The following SNX2 variants were observed in gnomAD, a reference collection of about 807,000 sequenced individuals.
SNX2 encodes the protein sorting nexin-2.
Under a neutral mutation model 69.9 loss-of-function variants are expected in SNX2, and 25 were observed. The ratio of observed to expected loss-of-function variants is 0.36; its 90% CI spans 0.26 to 0.50. The LOEUF is 0.50. Among genes scored for constraint, SNX2 ranks in the 20% least tolerant of loss-of-function variants. The pLI, the probability that SNX2 is intolerant of heterozygous loss-of-function variation, is 0.97. For synonymous variants in SNX2, 229 were observed against 200.4 expected (o/e 1.14, Z -1.20); for missense variants, 551 against 613.3 (o/e 0.90, Z 1.07).
intron 7 of SNX2, among the ~76,000 whole-genome samples, chr5:122,808,942 T>A (rs1019125420): frequency 1.3e-5 from 2 of 152,154 alleles, no homozygotes; most frequent in African/African-American, 4.8e-5. Context: ...TGTGTTTGTA[T>A]AATTGATTTT....
At chr5:122,809,786 G>A (rs1015749697) in intron 7 of SNX2, among the ~76,000 whole-genome samples, 5 of 152,082 alleles carry the variant, frequency 3.3e-5, no homozygotes, top group African/African-American at 1.2e-4. Flanking sequence ...GTACAGTGAA[G>A]TTAGATTTGA....
At position 122,815,887 on chromosome 5, in the gene SNX2, T is replaced by C. The variant is rs749303013; in HGVS notation, c.723-9T>C. 4.6e-6 allele frequency: 7 copies of C among 1,525,680 alleles called. No individual in the cohort carries two copies. In the South Asian group the frequency reaches 7.4e-5, roughly 16 times the overall value. 94.5% of individuals were successfully genotyped at this position (1,525,680 alleles called of 1,614,324 possible). On this transcript the variant is annotated splice_polypyrimidine_tract_variant and intron_variant, in intron 7 of 14. Coordinates refer to ENST00000379516, the MANE Select transcript of SNX2 (RefSeq NM_003100.4). ...ACTGATAAAGGAGCAATTTTACTCT[T>C]AAATCTAGGTATCTTCAAAGAACAG...
intron 1 of SNX2, chr5:122,775,867 G>C (rs144464697): frequency 1.3e-6 from 1 of 755,390 alleles, no homozygotes; most frequent in Non-Finnish European, 1.6e-6. Context: ...CCAGGAAACT[G>C]CTGTTGTGTG....
At chr5:122,806,327 G>T (rs1298598999) in intron 6 of SNX2, among the ~76,000 whole-genome samples, 2 of 152,006 alleles carry the variant, frequency 1.3e-5, no homozygotes, top group African/African-American at 4.8e-5. Context: ...TATTAAAGGT[G>T]GGTGACAAAT....
intron 1 of SNX2, among the ~76,000 whole-genome samples, chr5:122,792,124 T>G (rs1753255336): frequency 6.6e-6 from 1 of 152,184 alleles, no homozygotes; most frequent in Non-Finnish European, 1.5e-5. Context: ...ATTTGGGACT[T>G]TAAGAATTAG....
chr5:122,819,480 G>T (rs1243043713), intron 11 of SNX2, among the ~76,000 whole-genome samples: 1 of 152,180 alleles, frequency 6.6e-6, no homozygotes, highest in East Asian at 1.9e-4. Context: ...CCTCAAATAT[G>T]TAGTCACCAT....
At chr5:122,826,703 T>G (rs573695380) in intron 12 of SNX2, 29 of 901,004 alleles carry the variant, frequency 3.2e-5, no homozygotes, top group East Asian at 1.2e-4. Flanking sequence ...TTGAAGAGTA[T>G]GTACCAGTGT....
At position 122,833,353 on chromosome 5, in the gene SNX2, G is replaced by A. The variant is rs1426814723; in HGVS notation, c.*3705G>A. Reference sequence around the variant, plus strand: ...TATGGAGAAGGTCCTTAAGAGCATAGAACAATATAAATATAATATGGGCCA... The same window carrying A: ...TATGGAGAAGGTCCTTAAGAGCATAAAACAATATAAATATAATATGGGCCA... On this transcript the variant is annotated 3_prime_UTR_variant, in exon 15 of 15. Coordinates refer to ENST00000379516, the MANE Select transcript of SNX2 (RefSeq NM_003100.4). 6.6e-6 allele frequency: 1 copy of A among 151,946 alleles called. No individual in the cohort carries two copies. Among genetic ancestry groups the A allele is most frequent in the Non-Finnish European group, 1.5e-5 (1 of 67,968 alleles). 9.4% of individuals were successfully genotyped at this position (151,946 alleles called of 1,614,324 possible).
intron 1 of SNX2, among the ~76,000 whole-genome samples, chr5:122,777,743 G>T (rs1047750278): frequency 6.6e-6 from 1 of 152,166 alleles, no homozygotes; most frequent in African/African-American, 2.4e-5. Context: ...ATGGAGTACA[G>T]TGTGATGTTT....
At chr5:122,779,752 A>G (rs902617914) in intron 1 of SNX2, among the ~76,000 whole-genome samples, 15 of 152,166 alleles carry the variant, frequency 9.9e-5, no homozygotes, top group African/African-American at 3.6e-4. Context: ...TTATTTTTTC[A>G]AGTTCTGGGG....
chr5:122,798,606 C>A (rs1444450365), intron 2 of SNX2, among the ~76,000 whole-genome samples: 1 of 152,174 alleles, frequency 6.6e-6, no homozygotes, highest in Non-Finnish European at 1.5e-5. Flanking sequence ...TGGCCTGGTC[C>A]TGTGTTTTCC....
intron 7 of SNX2, 28 bp downstream of exon 7, chr5:122,808,383 C>T (rs1286625210): frequency 2.1e-6 from 3 of 1,452,150 alleles, no homozygotes; most frequent in Non-Finnish European, 2.9e-6. Flanking sequence ...TATTTTATTA[C>T]TCTCATGTTT....
At chr5:122,807,007 C>T (rs1753673971) in intron 6 of SNX2, among the ~76,000 whole-genome samples, 1 of 152,088 alleles carries the variant, frequency 6.6e-6, no homozygotes, top group Non-Finnish European at 1.5e-5. Context: ...GTGTCTAGGT[C>T]GGGTGTGGTA....
intron 7 of SNX2, among the ~76,000 whole-genome samples, chr5:122,810,272 C>CG (rs796969084): frequency 2.0e-4 from 30 of 150,294 alleles, no homozygotes; most frequent in African/African-American, 6.6e-4. Context: ...TGCGGAAGGC[C>CG]GCAGGGTCCT....
chr5:122,803,400 T>G, intron 5 of SNX2, 72 bp from the exon 6 acceptor site: 1 of 1,420,500 alleles, frequency 7.0e-7, no homozygotes. Context: ...GTGTTCACAA[T>G]TATGTATAAC....
intron 7 of SNX2, among the ~76,000 whole-genome samples, chr5:122,808,906 G>C (rs186645842): frequency 1.3e-5 from 2 of 152,106 alleles, no homozygotes; most frequent in Admixed American, 1.3e-4. Context: ...ATTAAATACA[G>C]TGAGAAGTAC....
At chr5:122,794,797 G>A (rs1371276876) in intron 1 of SNX2, among the ~76,000 whole-genome samples, 3 of 152,058 alleles carry the variant, frequency 2.0e-5, no homozygotes, top group African/African-American at 7.2e-5. Flanking sequence ...TGAAGTGGGA[G>A]GATCACTTGA....
chr5:122,794,122 C>A lies in SNX2; in HGVS notation c.109-1144C>A, dbSNP rs558715625. ...GGTCAGGAGTTCGAGACCAGCCTGACCAACATGGTGAAACCCTGTCTCTAC... is the reference window on the plus strand; with the variant it reads ...GGTCAGGAGTTCGAGACCAGCCTGAACAACATGGTGAAACCCTGTCTCTAC... On this transcript the variant is annotated intron_variant, in intron 1 of 14. Transcript: ENST00000379516. 2.2e-3 allele frequency among the ~76,000 whole-genome samples: 339 copies of A among 151,858 alleles called. 1 individual carries two copies. The highest frequency in any genetic ancestry group is 3.9e-3 in the Non-Finnish European group (265 of 67,910).
rs981389752 is a variant in SNX2, at chr5:122,823,914, T to A, written c.1213-2136T>A. Among the ~76,000 whole-genome samples, 80 of 151,888 alleles carry A rather than the reference T, an allele frequency of 5.3e-4. 2 individuals carry two copies. Among genetic ancestry groups the A allele is most frequent in the Admixed American group, 2.0e-4 (3 of 15,208 alleles). On this transcript the variant is annotated intron_variant, in intron 11 of 14. Coordinates refer to ENST00000379516, the MANE Select transcript of SNX2 (RefSeq NM_003100.4). ...CTCAAATTCACAAACTTTATTAAAA[T>A]GTCATGGCCGGGCGCGGTGGCTCAT...
Sources: allele counts gnomAD v4.1 joint callset (sites outside exome capture counted in the v4.1 genomes callset), GRCh38; gene constraint gnomAD v4.1.1; transcripts MANE v1.5; gene names NCBI Gene and HGNC (gene_info 2026-07-23, HGNC 2026-07-21).